The following SEMA3D variants were observed in gnomAD, a reference collection of about 807,000 sequenced individuals.
The protein encoded by SEMA3D is semaphorin-3D.
SEMA3D carries 84 observed loss-of-function variants against 100.1 expected under a neutral mutation model. That is an observed-to-expected ratio of 0.84 (90% CI 0.70 to 1.01). The LOEUF is 1.01. SEMA3D is among the 50% of genes least tolerant of loss of function. The pLI is 0.00. For missense variants in SEMA3D, 875 were observed against 934.1 expected, an observed-to-expected ratio of 0.94 and a Z score of 0.82; for synonymous variants, 312 against 320.7, an observed-to-expected ratio of 0.97 and a Z score of 0.29.
At chr7:85,061,343 T>C (rs906630587) in intron 8 of SEMA3D, among the ~76,000 whole-genome samples, 1 of 152,150 alleles carries the variant, frequency 6.6e-6, no homozygotes, top group Non-Finnish European at 1.5e-5. Context: ...CACTGTTAAG[T>C]GGTTAGCTGA....
rs138653004 is a variant in SEMA3D, at chr7:84,996,732, C to G, written c.*2708G>C. Reference sequence around the variant, plus strand: ...AAAAGTATTAGAGACAAGAAAAATACGAAAACATGAGTAAACAGGCATTTT... The same window carrying G: ...AAAAGTATTAGAGACAAGAAAAATAGGAAAACATGAGTAAACAGGCATTTT... On this transcript the variant is annotated 3_prime_UTR_variant, in exon 19 of 19. Transcript: ENST00000284136. The G allele has an allele frequency of 5.3e-5, 8 of 151,994 alleles. No individual in the cohort carries two copies. The highest frequency in any genetic ancestry group is 1.9e-4 in the African/African-American group (8 of 41,408). 9.4% of individuals were successfully genotyped at this position (151,994 alleles called of 1,614,324 possible). A position where few individuals can be genotyped will look rare whatever the true frequency, so the allele number is the denominator to read the frequency against.
Position 85,060,670 on chromosome 7 carries a change from C to T in SEMA3D, c.718+4754G>A, listed in dbSNP as rs544587682. 2.6e-5 allele frequency among the ~76,000 whole-genome samples: 4 copies of T among 152,182 alleles called. No homozygotes were observed. The South Asian group carries it at 8.3e-4, about 32-fold the overall frequency. Reference sequence around the variant, plus strand: ...CAGCACACACTACTTCCCTTTCTCCCTATGAAACTCTTTTCACCCAGATGA... The same window carrying T: ...CAGCACACACTACTTCCCTTTCTCCTTATGAAACTCTTTTCACCCAGATGA... On this transcript the variant is annotated intron_variant, in intron 8 of 18. Transcript: ENST00000284136.
At chr7:85,228,875 C>T in the SEMA3D span, among the ~76,000 whole-genome samples, 2 of 152,084 alleles carry the variant, frequency 1.3e-5, no homozygotes, top group South Asian at 4.1e-4. Context: ...ATGTCTCTGT[C>T]TTGTGGCCTG....
intron 8 of SEMA3D, among the ~76,000 whole-genome samples, chr7:85,065,085 A>G (rs1363136376): frequency 6.6e-6 from 1 of 152,162 alleles, no homozygotes; most frequent in Non-Finnish European, 1.5e-5. Context: ...GACCTTGACC[A>G]AATTATTTCT....
At chr7:85,152,322 C>T (rs758188566) in intron 2 of SEMA3D, among the ~76,000 whole-genome samples, 1 of 152,016 alleles carries the variant, frequency 6.6e-6, no homozygotes, top group Non-Finnish European at 1.5e-5. Flanking sequence ...AAAGAGGTAT[C>T]AATATTTACA....
intron 3 of SEMA3D, among the ~76,000 whole-genome samples, chr7:85,108,096 T>A (rs1788984985): frequency 1.3e-5 from 2 of 152,088 alleles, no homozygotes; most frequent in African/African-American, 4.8e-5. Flanking sequence ...TCTAAATAAT[T>A]TTAAAATTTT....
At chr7:85,064,812 G>A (rs993852585) in intron 8 of SEMA3D, among the ~76,000 whole-genome samples, 1 of 152,038 alleles carries the variant, frequency 6.6e-6, no homozygotes, top group African/African-American at 2.4e-5. Flanking sequence ...ATATTCTTAT[G>A]TTTTTTAAAA....
chr7:85,209,360 G>T, the SEMA3D span, among the ~76,000 whole-genome samples: 3 of 151,748 alleles, frequency 2.0e-5, no homozygotes, highest in African/African-American at 7.3e-5. Context: ...AAAACTTTGT[G>T]CAAATTATTG....
the SEMA3D span, among the ~76,000 whole-genome samples, chr7:85,247,197 G>C: frequency 5.3e-5 from 8 of 151,998 alleles, no homozygotes; most frequent in African/African-American, 1.9e-4. Context: ...AATAATCACT[G>C]ACAGAAGAGA....
intron 5 of SEMA3D, among the ~76,000 whole-genome samples, chr7:85,075,265 A>G (rs1211964837): frequency 1.3e-5 from 2 of 152,266 alleles, no homozygotes; most frequent in East Asian, 3.9e-4. Flanking sequence ...CAAGATTCTG[A>G]AATAAATATT....
intron 9 of SEMA3D, among the ~76,000 whole-genome samples, chr7:85,053,652 G>C (rs1791228954): frequency 6.6e-6 from 1 of 151,972 alleles, no homozygotes; most frequent in Non-Finnish European, 1.5e-5. Context: ...AACATGGGCA[G>C]CATGTGATGC....
chr7:85,130,272 A>G (rs1789689446), intron 2 of SEMA3D, among the ~76,000 whole-genome samples: 1 of 152,176 alleles, frequency 6.6e-6, no homozygotes, highest in Non-Finnish European at 1.5e-5. Context: ...ATGATGACTT[A>G]TGCAATCAAA....
intron 2 of SEMA3D, among the ~76,000 whole-genome samples, chr7:85,126,211 C>T (rs1269142702): frequency 6.6e-6 from 1 of 152,022 alleles, no homozygotes; most frequent in Admixed American, 6.6e-5. Flanking sequence ...ATGTGAACTT[C>T]ATTGATTTGC....
chr7:85,090,232 G>T (rs138891574), intron 4 of SEMA3D, among the ~76,000 whole-genome samples: 2 of 152,242 alleles, frequency 1.3e-5, no homozygotes, highest in Non-Finnish European at 2.9e-5. Context: ...GTTTCCCATA[G>T]AATTGGACAC....
the SEMA3D span, among the ~76,000 whole-genome samples, chr7:85,205,716 G>A: frequency 6.6e-6 from 1 of 152,102 alleles, no homozygotes; most frequent in Non-Finnish European, 1.5e-5. Context: ...AAGCCCTGGA[G>A]TGTGATGTCT....
At chr7:85,199,206 T>C in the SEMA3D span, among the ~76,000 whole-genome samples, 2 of 152,126 alleles carry the variant, frequency 1.3e-5, no homozygotes, top group Admixed American at 6.6e-5. Flanking sequence ...GGGCCAAATA[T>C]ATGTTTAATT....
chr7:85,228,056 T>C, the SEMA3D span, among the ~76,000 whole-genome samples: 1 of 152,212 alleles, frequency 6.6e-6, no homozygotes, highest in Non-Finnish European at 1.5e-5. Flanking sequence ...TCAAAGTATA[T>C]GACATTGGCC....
At chr7:85,201,213 T>C in the SEMA3D span, among the ~76,000 whole-genome samples, 1 of 152,204 alleles carries the variant, frequency 6.6e-6, no homozygotes, top group Non-Finnish European at 1.5e-5. Context: ...TTCCACCATT[T>C]GCTCTCTTCT....
Position 85,065,455 on chromosome 7 carries a change from T to C in SEMA3D, c.687A>G (p.Arg229=), listed in dbSNP as rs1392592304. 5.6e-6 allele frequency: 9 copies of C among 1,613,446 alleles called. No individual in the cohort carries two copies. Among genetic ancestry groups the C allele is most frequent in the East Asian group, 2.2e-5 (1 of 44,832 alleles). ...GCCAGTAGTGCTCTGAAATGTCAGT[T>C]CTGATGTAGTGGTGGTCATGAGTAG... ...LGPTHDHHYI[R]TDISEHYWLN... Residue 229 remains arginine, a synonymous_variant, in exon 8 of 19, where the codon AGA becomes AGG. Transcript: ENST00000284136.
Sources: allele counts gnomAD v4.1 joint callset (sites outside exome capture counted in the v4.1 genomes callset), GRCh38; gene constraint gnomAD v4.1.1; transcripts MANE v1.5; gene names NCBI Gene and HGNC (gene_info 2026-07-23, HGNC 2026-07-21).